Variants in BID observed in about 807,000 individuals in gnomAD.
BID encodes the protein BH3-interacting domain death agonist.
In BID, 19 loss-of-function variants were observed where a neutral mutation model predicts 17.4. The observed-to-expected ratio is 1.09, with a 90% CI of 0.76 to 1.60. The LOEUF (loss-of-function observed/expected upper bound fraction) is 1.60, where lower values mean the gene tolerates loss of function less well. BID is among the 40% of genes most tolerant of loss of function. The pLI is 0.00. For missense variants in BID, 226 were observed against 256.0 expected (o/e 0.88, Z 0.80); for synonymous variants, 108 against 102.8 (o/e 1.05, Z -0.31).
chr22:17,744,035 G>A (rs773096522), intron 2 of BID, 22 bp from the exon 3 acceptor site: 44 of 1,602,984 alleles, frequency 2.7e-5, no homozygotes, highest in Non-Finnish European at 3.7e-5. Flanking sequence ...GGGGAGTCAG[G>A]AAGCCGGGAC....
At chr22:17,759,339 A>C (rs2061619519) in intron 1 of BID, among the ~76,000 whole-genome samples, 1 of 151,806 alleles carries the variant, frequency 6.6e-6, no homozygotes, top group Non-Finnish European at 1.5e-5. Context: ...CAGGTGGATC[A>C]CTTGAGGTCA....
chr22:17,748,380 C>T (rs555550084), intron 2 of BID, among the ~76,000 whole-genome samples: 26 of 150,784 alleles, frequency 1.7e-4, no homozygotes, highest in African/African-American at 3.7e-4. Flanking sequence ...TGGTGGCGGG[C>T]GCCTGTAGTC....
At chr22:17,767,665 A>C (rs764873912) in intron 1 of BID, among the ~76,000 whole-genome samples, 20 of 152,208 alleles carry the variant, frequency 1.3e-4, no homozygotes, top group Non-Finnish European at 2.5e-4. Flanking sequence ...ATGACCACAA[A>C]CCAATGCTCA....
intron 1 of BID, among the ~76,000 whole-genome samples, chr22:17,764,648 C>T (rs1179973464): frequency 1.3e-5 from 2 of 152,118 alleles, no homozygotes; most frequent in Non-Finnish European, 2.9e-5. Context: ...AAGGTGGTCA[C>T]ATTTATTGAA....
chr22:17,753,525 C>A (rs2061557379), intron 1 of BID, among the ~76,000 whole-genome samples: 1 of 152,236 alleles, frequency 6.6e-6, no homozygotes, highest in African/African-American at 2.4e-5. Context: ...ACCAGCCCTG[C>A]ATCGGGTAAC....
intron 1 of BID, 138 bp from the exon 2 acceptor site, chr22:17,750,312 TTC>T: frequency 7.0e-6 from 5 of 715,958 alleles, no homozygotes; most frequent in Non-Finnish European, 9.3e-6. Flanking sequence ...CATCCTGAGT[TTC>T]TTTCTCCTTG....
intron 1 of BID, among the ~76,000 whole-genome samples, chr22:17,768,481 G>A (rs1014072560): frequency 6.6e-6 from 1 of 152,218 alleles, no homozygotes; most frequent in Non-Finnish European, 1.5e-5. Flanking sequence ...GTGGATGGCA[G>A]GGGAAGGCAG....
At position 17,769,865 on chromosome 22, in the gene BID, C is replaced by T. The variant is rs1166194732; in HGVS notation, c.-59+4516G>A. Among the ~76,000 whole-genome samples the T allele has an allele frequency of 1.3e-5, 2 of 152,302 alleles. No individual in the cohort carries two copies. Among genetic ancestry groups the T allele is most frequent in the East Asian group, 3.9e-4 (2 of 5,178 alleles). On this transcript the variant is annotated intron_variant, in intron 1 of 5. Transcript: ENST00000622694. The surrounding 1 kb of genome is among the most constrained non-coding windows in gnomAD (Gnocchi z 4.8). ...GCCACTCCCAGTCCCAATACCAGGC[C>T]TGGTCACGTGGTGCCCCGCCAGGCT...
chr22:17,749,840 C>A (rs2061523043), intron 2 of BID, among the ~76,000 whole-genome samples: 1 of 152,238 alleles, frequency 6.6e-6, no homozygotes, highest in Admixed American at 6.5e-5. Flanking sequence ...AAAGCCCCCT[C>A]GCCCTTGCAG....
intron 1 of BID, among the ~76,000 whole-genome samples, chr22:17,772,084 A>G (rs1447498014): frequency 6.6e-6 from 1 of 152,124 alleles, no homozygotes; most frequent in African/African-American, 2.4e-5. Context: ...CCTCAGTTAC[A>G]CCATCTGGAG....
At chr22:17,747,711 A>G (rs1176164851) in intron 2 of BID, among the ~76,000 whole-genome samples, 1 of 152,246 alleles carries the variant, frequency 6.6e-6, no homozygotes, top group East Asian at 1.9e-4. Flanking sequence ...TCAAGACAGT[A>G]AATCCTGCAA....
In BID at chr22:17,758,695, T is replaced by C. The variant is rs993194769; in HGVS notation, c.-58-8521A>G. ...TTCTATCTCCAAGGGGTGCCCAGAG[T>C]AGTCAACTTCACAAGGATCAGAAAG... is the stretch of plus-strand genomic sequence containing the variant. On this transcript the variant is annotated intron_variant, in intron 1 of 5. Transcript: ENST00000622694. 4.6e-5 allele frequency among the ~76,000 whole-genome samples: 7 copies of C among 151,938 alleles called. 1 individual carries two copies. The East Asian group carries it at 1.4e-3, about 29-fold the overall frequency.
At chr22:17,752,187 G>T (rs553286920) in intron 1 of BID, among the ~76,000 whole-genome samples, 4 of 152,192 alleles carry the variant, frequency 2.6e-5, no homozygotes, top group Non-Finnish European at 5.9e-5. Flanking sequence ...TGGCACTGTG[G>T]TGAGTCTCCC....
At chr22:17,735,845 A>C (rs1390079027) in intron 5 of BID, among the ~76,000 whole-genome samples, 2 of 152,076 alleles carry the variant, frequency 1.3e-5, no homozygotes, top group Admixed American at 1.3e-4. Flanking sequence ...GGGTCAGAGG[A>C]ATCACGATTC....
chr22:17,774,197 AC>A (rs1404020754), intron 1 of BID, among the ~76,000 whole-genome samples, 183 bp downstream of exon 1: 8 of 150,830 alleles, frequency 5.3e-5, no homozygotes, highest in African/African-American at 2.0e-4. Flanking sequence ...GGCGGGAGAG[AC>A]CCGGCCCTCA....
intron 2 of BID, among the ~76,000 whole-genome samples, chr22:17,749,193 G>C (rs2061518390): frequency 6.6e-6 from 1 of 152,302 alleles, no homozygotes. Flanking sequence ...GGAGGGAGGG[G>C]AGGAGGATGT....
At chr22:17,763,353 C>A (rs2061655176) in intron 1 of BID, among the ~76,000 whole-genome samples, 1 of 151,906 alleles carries the variant, frequency 6.6e-6, no homozygotes, top group Non-Finnish European at 1.5e-5. Flanking sequence ...AAGTGATTCT[C>A]CTGCCTCAGC....
intron 1 of BID, among the ~76,000 whole-genome samples, chr22:17,762,773 T>C (rs1329143224): frequency 1.3e-5 from 2 of 152,240 alleles, no homozygotes; most frequent in East Asian, 3.9e-4. Flanking sequence ...AAAAGCCTAC[T>C]TAATCAAACG....
chr22:17,762,892 T>TTTC, intron 1 of BID, among the ~76,000 whole-genome samples: 1 of 152,172 alleles, frequency 6.6e-6, no homozygotes, highest in Non-Finnish European at 1.5e-5. Context: ...TGTTTGTTTT[T>TTTC]TTAAGACGGA....
Sources: gnomAD v4.1 joint callset for allele counts (sites outside exome capture counted in the v4.1 genomes callset) on GRCh38, gnomAD v4.1.1 for gene constraint, Gnocchi (gnomAD v3.1) non-coding constraint, MANE v1.5 for transcripts, NCBI Gene and HGNC (gene_info 2026-07-23, HGNC 2026-07-21) for gene names.